EDIL3: variants seen among roughly 807,000 people sequenced by gnomAD.
The protein encoded by EDIL3 is EGF-like repeat and discoidin I-like domain-containing protein 3.
Under a neutral mutation model 67.4 loss-of-function variants are expected in EDIL3, and 37 were observed. The observed-to-expected ratio is 0.55, with a 90% CI of 0.42 to 0.72. The LOEUF (loss-of-function observed/expected upper bound fraction) is 0.72. Ranked by LOEUF, EDIL3 falls within the 30% of genes least tolerant of loss-of-function variation. The pLI, the probability that EDIL3 is intolerant of heterozygous loss-of-function variation, is 0.00. For missense variants in EDIL3, 527 were observed against 586.3 expected (o/e 0.90, Z 1.04); for synonymous variants, 195 against 196.3 (o/e 0.99, Z 0.05).
intron 9 of EDIL3, among the ~76,000 whole-genome samples, chr5:84,026,506 T>C (rs1422731799): frequency 2.6e-5 from 4 of 152,190 alleles, no homozygotes. Context: ...TTTAACCTTC[T>C]GCCTCTGCAT....
intron 6 of EDIL3, among the ~76,000 whole-genome samples, chr5:84,095,997 G>A (rs116517228): frequency 1.3e-4 from 20 of 152,170 alleles, no homozygotes; most frequent in Non-Finnish European, 2.6e-4. Context: ...TTTCACATAC[G>A]GATTTTTTTA....
chr5:84,284,695 T>G (rs1745775740), intron 1 of EDIL3, among the ~76,000 whole-genome samples: 1 of 152,148 alleles, frequency 6.6e-6, no homozygotes, highest in Non-Finnish European at 1.5e-5. Context: ...CTGTAAATCC[T>G]TTTGTCCTAA....
At chr5:84,335,560 A>T (rs1428903410) in intron 1 of EDIL3, among the ~76,000 whole-genome samples, 1 of 152,234 alleles carries the variant, frequency 6.6e-6, no homozygotes, top group Non-Finnish European at 1.5e-5. Flanking sequence ...CATGCCTTAA[A>T]TAAGAATCTG....
intron 9 of EDIL3, among the ~76,000 whole-genome samples, chr5:84,012,892 A>T (rs1447972298): frequency 6.6e-6 from 1 of 151,942 alleles, no homozygotes; most frequent in African/African-American, 2.4e-5. Context: ...ACTTTAGAAG[A>T]CTCTAACTGA....
chr5:84,356,974 G>C (rs1747501818), intron 1 of EDIL3, among the ~76,000 whole-genome samples: 1 of 137,262 alleles, frequency 7.3e-6, no homozygotes, highest in Admixed American at 8.0e-5. Flanking sequence ...GCCCAGGCTG[G>C]AGTACAGTGG....
At position 83,941,132 on chromosome 5, in the gene EDIL3, A is replaced by G. The variant is rs1018156962; in HGVS notation, c.*2287T>C. ...ACATGAATGACACAAAAGCTACTTC[A>G]TAATACTACTTTACAATAGTTTTCA... On this transcript the variant is annotated 3_prime_UTR_variant, in exon 11 of 11. Coordinates refer to ENST00000296591, the MANE Select transcript of EDIL3 (RefSeq NM_005711.5). 2.6e-5 allele frequency: 4 copies of G among 152,026 alleles called. No homozygotes were observed. Among genetic ancestry groups the G allele is most frequent in the African/African-American group, 4.8e-5 (2 of 41,464 alleles). The allele number at this position is 152,026 out of a possible 1,614,324, so 9.4% of individuals were successfully genotyped here.
Position 83,979,840 on chromosome 5 carries a change from A to C in EDIL3, c.1138-16480T>G, listed in dbSNP as rs566566599. On this transcript the variant is annotated intron_variant, in intron 9 of 10. Transcript: ENST00000296591. ...CTATTGCCTCAATTTGACTCTTCGG[A>C]GGTCAAGAATTCTCTTACCATTTAT... is the stretch of plus-strand genomic sequence containing the variant. Among the ~76,000 whole-genome samples, 3 of 152,208 alleles carry C rather than the reference A, an allele frequency of 2.0e-5. No individual in the cohort carries two copies. In the South Asian group the frequency reaches 6.2e-4, roughly 32 times the overall value.
chr5:84,051,426 C>G (rs979959425), intron 9 of EDIL3, among the ~76,000 whole-genome samples: 1 of 152,206 alleles, frequency 6.6e-6, no homozygotes, highest in African/African-American at 2.4e-5. Flanking sequence ...AGGAACGCAG[C>G]TCCTCACCAG....
At chr5:84,087,049 G>A (rs1016225667) in intron 6 of EDIL3, among the ~76,000 whole-genome samples, 2 of 152,130 alleles carry the variant, frequency 1.3e-5, no homozygotes, top group Admixed American at 1.3e-4. Flanking sequence ...ATCAACAATA[G>A]TTGGCCACAT....
At chr5:84,337,638 A>T (rs1425461681) in intron 1 of EDIL3, among the ~76,000 whole-genome samples, 2 of 152,266 alleles carry the variant, frequency 1.3e-5, no homozygotes, top group East Asian at 3.9e-4. Context: ...CTTTTCTGGC[A>T]CCATATAGGG....
At chr5:84,233,173 G>A (rs1014233092) in intron 2 of EDIL3, among the ~76,000 whole-genome samples, 6 of 152,074 alleles carry the variant, frequency 3.9e-5, no homozygotes, top group African/African-American at 1.2e-4. Flanking sequence ...AATGATGGTA[G>A]GAAAACAGAG....
chr5:84,094,739 C>T (rs1044990391), intron 6 of EDIL3, among the ~76,000 whole-genome samples: 1 of 152,152 alleles, frequency 6.6e-6, no homozygotes, highest in East Asian at 1.9e-4. Context: ...AAATTTATAA[C>T]AATTTATGCT....
chr5:84,079,076 A>C (rs1005113135), intron 6 of EDIL3, among the ~76,000 whole-genome samples: 1 of 152,134 alleles, frequency 6.6e-6, no homozygotes, highest in East Asian at 1.9e-4. Flanking sequence ...ACTTCTATAA[A>C]ACCTCCAAAG....
chr5:84,190,215 G>C (rs1179934599), intron 3 of EDIL3, among the ~76,000 whole-genome samples: 1 of 151,850 alleles, frequency 6.6e-6, no homozygotes, highest in Non-Finnish European at 1.5e-5. Flanking sequence ...AACCATAAAT[G>C]TAATCCAACA....
At chr5:84,023,151 G>A (rs1250662745) in intron 9 of EDIL3, among the ~76,000 whole-genome samples, 3 of 151,950 alleles carry the variant, frequency 2.0e-5, no homozygotes, top group African/African-American at 4.8e-5. Context: ...TGATGGATGT[G>A]TTACTAAACT....
At chr5:84,093,601 A>C (rs1305496603) in intron 6 of EDIL3, among the ~76,000 whole-genome samples, 1 of 150,294 alleles carries the variant, frequency 6.7e-6, no homozygotes, top group African/African-American at 2.4e-5. Context: ...AATTCAGTTT[A>C]GTGAGGCACT....
rs546627167 is a variant in EDIL3, at chr5:84,028,468, G to A, written c.1137+31832C>T. ...AACTTAAGTCTTGATTCTACCATAC[G>A]TTAGTCATATGGCCTTGAGCAAGCT... is the stretch of plus-strand genomic sequence containing the variant. On this transcript the variant is annotated intron_variant, in intron 9 of 10. Coordinates refer to ENST00000296591, the MANE Select transcript of EDIL3 (RefSeq NM_005711.5). 3.8e-4 allele frequency among the ~76,000 whole-genome samples: 58 copies of A among 152,118 alleles called. 1 individual carries two copies. Among genetic ancestry groups the A allele is most frequent in the South Asian group, 2.5e-3 (12 of 4,822 alleles).
At chr5:84,241,465 C>T (rs1323621328) in intron 2 of EDIL3, among the ~76,000 whole-genome samples, 2 of 152,008 alleles carry the variant, frequency 1.3e-5, no homozygotes, top group Non-Finnish European at 2.9e-5. Context: ...AACTTATTTG[C>T]TCTAAGCATA....
intron 9 of EDIL3, among the ~76,000 whole-genome samples, chr5:84,009,749 G>A (rs900086802): frequency 2.6e-5 from 4 of 152,148 alleles, no homozygotes; most frequent in Non-Finnish European, 5.9e-5. Context: ...AGGTCTCTAA[G>A]CATGACTGGA....
Sources: allele counts gnomAD v4.1 joint callset (sites outside exome capture counted in the v4.1 genomes callset), GRCh38; gene constraint gnomAD v4.1.1; transcripts MANE v1.5; gene names NCBI Gene and HGNC (gene_info 2026-07-23, HGNC 2026-07-21).